Variants in AAK1 observed in about 807,000 individuals in gnomAD.
AAK1 encodes the protein AP2 associated kinase 1.
AAK1 carries 37 observed loss-of-function variants against 116.0 expected under a neutral mutation model. That is an observed-to-expected ratio of 0.32 (90% confidence interval 0.25 to 0.42). AAK1 has a LOEUF of 0.42. Ranked by LOEUF, AAK1 falls within the 10% of genes least tolerant of loss-of-function variation. The pLI is 1.00. For synonymous variants in AAK1, 458 were observed against 439.9 expected (o/e 1.04, Z -0.51); for missense variants, 919 against 1,170.6 (o/e 0.79, Z 3.14).
At chr2:69,597,631 A>C (rs770718799) in intron 2 of AAK1, 8 of 152,350 alleles carry the variant, frequency 5.3e-5, no homozygotes, top group Non-Finnish European at 7.3e-5. Flanking sequence ...ACACTTTGGG[A>C]AGCTAAGGCA....
intron 2 of AAK1, among the ~76,000 whole-genome samples, chr2:69,558,861 C>T (rs986543268): frequency 1.2e-4 from 19 of 152,186 alleles, no homozygotes; most frequent in Admixed American, 6.5e-4. Context: ...CAAGGCTCAG[C>T]GGCACTTTAG....
In AAK1 at chr2:69,640,347, C is replaced by T. The variant is rs149984121; in HGVS notation, c.163+2531G>A. ...TAAGTATGCCCCACTTTGAGAACCA[C>T]TGCCACAGGGAAACAGAGATTCAAG... is the stretch of plus-strand genomic sequence containing the variant. On this transcript the variant is annotated intron_variant, in intron 2 of 21. Transcript: ENST00000409085. 7.6e-4 allele frequency among the ~76,000 whole-genome samples: 116 copies of T among 152,234 alleles called. 1 individual carries two copies. Among genetic ancestry groups the T allele is most frequent in the African/African-American group, 2.5e-3 (104 of 41,522 alleles).
chr2:69,516,400 T>A (rs565157176), intron 12 of AAK1, among the ~76,000 whole-genome samples: 1 of 151,168 alleles, frequency 6.6e-6, no homozygotes, highest in South Asian at 2.1e-4. Context: ...TCCGAATTCA[T>A]AATGCCTATT....
chr2:69,616,478 G>A (rs1453647178), intron 2 of AAK1, among the ~76,000 whole-genome samples: 1 of 152,058 alleles, frequency 6.6e-6, no homozygotes, highest in African/African-American at 2.4e-5. Context: ...TTTTTTTTAT[G>A]ACTTAAGTAA....
At chr2:69,555,122 C>G (rs1286706082) in intron 3 of AAK1, among the ~76,000 whole-genome samples, 3 of 152,208 alleles carry the variant, frequency 2.0e-5, no homozygotes, top group Admixed American at 2.0e-4. Context: ...CGTGTGAGAG[C>G]TGAACAAGCA....
chr2:69,608,597 G>A (rs1039873762), intron 2 of AAK1, among the ~76,000 whole-genome samples: 13 of 152,166 alleles, frequency 8.5e-5, no homozygotes, highest in African/African-American at 1.9e-4. Context: ...AAATAGTAAC[G>A]GAGGAAAGGA....
intron 2 of AAK1, among the ~76,000 whole-genome samples, chr2:69,591,528 T>C (rs1673030258): frequency 1.4e-5 from 2 of 147,772 alleles, no homozygotes; most frequent in African/African-American, 5.0e-5. Context: ...TTTTTCTTTT[T>C]TTTTTTTTTT....
intron 2 of AAK1, among the ~76,000 whole-genome samples, chr2:69,623,065 CTT>C (rs1333655631): frequency 1.2e-4 from 19 of 152,240 alleles, no homozygotes; most frequent in African/African-American, 4.6e-4. Context: ...TTCTTTCGCT[CTT>C]TGCAATAAAT....
chr2:69,543,627 C>T (rs1472526877), intron 4 of AAK1, among the ~76,000 whole-genome samples: 2 of 152,118 alleles, frequency 1.3e-5, no homozygotes, highest in Non-Finnish European at 2.9e-5. Flanking sequence ...AAGATAGTCT[C>T]GATCTCTTGA....
chr2:69,583,394 G>T (rs970028256), intron 2 of AAK1, among the ~76,000 whole-genome samples: 5 of 152,202 alleles, frequency 3.3e-5, no homozygotes, highest in Non-Finnish European at 5.9e-5. Context: ...AGGAATTAGG[G>T]AAGCATTACT....
intron 11 of AAK1, 120 bp from the exon 12 acceptor site, chr2:69,519,360 T>C: frequency 1.5e-6 from 2 of 1,326,422 alleles, no homozygotes; most frequent in Non-Finnish European, 2.0e-6. Context: ...AAGATTCGTG[T>C]CCTCCTCACT....
intron 5 of AAK1, among the ~76,000 whole-genome samples, chr2:69,541,794 T>TTATTAGC (rs1317055166): frequency 6.6e-6 from 1 of 152,134 alleles, no homozygotes; most frequent in Non-Finnish European, 1.5e-5. Flanking sequence ...CTGATTCAAG[T>TTATTAGC]TATTAGCTAT....
chr2:69,559,363 T>C (rs370226614), intron 2 of AAK1, among the ~76,000 whole-genome samples: 12 of 152,234 alleles, frequency 7.9e-5, no homozygotes, highest in African/African-American at 2.9e-4. Flanking sequence ...TATCAGAATG[T>C]CTTGTAATAA....
chr2:69,582,569 C>T (rs1487234726), intron 2 of AAK1, among the ~76,000 whole-genome samples: 1 of 152,162 alleles, frequency 6.6e-6, no homozygotes, highest in African/African-American at 2.4e-5. Flanking sequence ...AAAAGACCTG[C>T]TACTGGGGGG....
chr2:69,622,088 G>T (rs1674661491), intron 2 of AAK1, among the ~76,000 whole-genome samples: 1 of 152,238 alleles, frequency 6.6e-6, no homozygotes. Flanking sequence ...TGGAGGGAGA[G>T]GTGCGGGCGG....
At chr2:69,520,141 G>A (rs923628050) in intron 11 of AAK1, 3 of 232,858 alleles carry the variant, frequency 1.3e-5, no homozygotes, top group Admixed American at 4.1e-5. Flanking sequence ...ACAGAACAGG[G>A]AAGCTGCCCT....
At position 69,462,201 on chromosome 2, in the gene AAK1, C is replaced by T. The variant is rs1297421906; in HGVS notation, c.*13668G>A. The T allele has an allele frequency of 8.5e-6, 1 of 117,208 alleles. No individual in the cohort carries two copies. The highest frequency in any genetic ancestry group is 3.5e-5 in the African/African-American group (1 of 28,548). The allele number at this position is 117,208 out of a possible 1,614,324, so 7.3% of individuals were successfully genotyped here. ...CATGGACACAGTAAGGGGAACATCA[C>T]ACTCTGGGGACTGTTGTGGGGTGGG... On this transcript the variant is annotated 3_prime_UTR_variant, in exon 22 of 22. Transcript: ENST00000409085.
intron 2 of AAK1, among the ~76,000 whole-genome samples, chr2:69,570,843 A>G (rs1672065062): frequency 1.3e-5 from 2 of 152,200 alleles, no homozygotes; most frequent in South Asian, 4.1e-4. Flanking sequence ...ACCCACAGTG[A>G]ACTCCTGAGA....
rs927252794 is a variant in AAK1, at chr2:69,530,564, T to C, written c.738+61A>G. ...TGCTATAGCGCTGTGTGCATTAACC[T>C]TGGGAATTCACAGTCAAGACTGCTG... On this transcript the variant is annotated intron_variant, in intron 7 of 21. Coordinates refer to ENST00000409085, the MANE Select transcript of AAK1 (RefSeq NM_014911.5). 2.2e-6 allele frequency: 3 copies of C among 1,394,076 alleles called. No homozygotes were observed. The African/African-American group carries it at 4.3e-5, about 20-fold the overall frequency. 86.4% of individuals were successfully genotyped at this position (1,394,076 alleles called of 1,614,324 possible). A position where few individuals can be genotyped will look rare whatever the true frequency, so the allele number is the denominator to read the frequency against.
Sources: gnomAD v4.1 joint callset for allele counts (sites outside exome capture counted in the v4.1 genomes callset) on GRCh38, gnomAD v4.1.1 for gene constraint, MANE v1.5 for transcripts, NCBI Gene and HGNC (gene_info 2026-07-23, HGNC 2026-07-21) for gene names.